Variants in TRIOBP observed in about 807,000 individuals in gnomAD.
The protein encoded by TRIOBP is TRIO and F-actin-binding protein.
Under a neutral mutation model 238.8 loss-of-function variants are expected in TRIOBP, and 169 were observed. That is an observed-to-expected ratio of 0.71 (90% CI 0.62 to 0.80). The LOEUF is 0.80. TRIOBP is among the 30% of genes least tolerant of loss of function. TRIOBP has a pLI of 0.00. For synonymous variants in TRIOBP, 1,150 were observed against 1,274.4 expected (o/e 0.90, Z 2.08); for missense variants, 2,838 against 3,122.6 (o/e 0.91, Z 2.17).
chr22:37,726,434 G>T lies in TRIOBP; in HGVS notation c.3878G>T (p.Cys1293Phe), dbSNP rs1924165087. The change falls in exon 7 of 24, where the codon TGC (cysteine) becomes TTC (phenylalanine). Residue 1293 changes from cysteine (C) to phenylalanine (F), a missense_variant. Around this residue, in one of 5 missense-constraint regions of TRIOBP, gnomAD observed 2,096 missense variants for 2,137.4 expected, o/e 0.98. Coordinates refer to ENST00000644935, the MANE Select transcript of TRIOBP (RefSeq NM_001039141.3). The part of the protein sequence containing the change: ...AQRQPGPQAQ[C>F]SSGGRTHSPG... ...AGACAGCCAGGGCCCCAGGCGCAGTGCAGCAGCGGGGGCCGCACCCACAGC... is the reference window on the plus strand; with the variant it reads ...AGACAGCCAGGGCCCCAGGCGCAGTTCAGCAGCGGGGGCCGCACCCACAGC... 1 of 1,586,230 alleles carries T rather than the reference G, an allele frequency of 6.3e-7. No individual in the cohort carries two copies.
In TRIOBP at chr22:37,724,026, C is replaced by G; in HGVS notation, c.1470C>G (p.Ser490=). The G allele has an allele frequency of 6.7e-7, 1 of 1,500,298 alleles. No homozygotes were observed. The highest frequency in any genetic ancestry group is 9.0e-7 in the Non-Finnish European group (1 of 1,114,176). 92.9% of individuals were successfully genotyped at this position (1,500,298 alleles called of 1,614,324 possible). The stretch of plus-strand genomic sequence containing the variant: ...CCCAGCGGGACAATCCCAGAGCCTC[C>G]TCTCCCAGTAGAGCTACACGAGACA... ...SCAQRDNPRA[S]SPSRATRDNP... The change falls in exon 7 of 24, where the codon TCC becomes TCG. Residue 490 remains serine, a synonymous_variant. Transcript: ENST00000644935.
Position 37,701,479 on chromosome 22 carries a change from G to C in TRIOBP, c.114G>C (p.Gln38His), listed in dbSNP as rs753013978. ...HPEEAHGARY[Q>H]ELRSPSGAEV... ...AGGAGGCCCATGGAGCAAGATACCA[G>C]GTGGGCCAGTTTTCCACGTGGTTGG... is the stretch of plus-strand genomic sequence containing the variant. The change falls in exon 3 of 24, where the codon CAG (glutamine) becomes CAC (histidine). Residue 38 changes from glutamine to histidine, a missense_variant and splice_region_variant. Gln to His is a conservative substitution (Grantham distance 24). Transcript: ENST00000644935. 2.1e-5 allele frequency: 33 copies of C among 1,608,032 alleles called. No homozygotes were observed. The highest frequency in any genetic ancestry group is 1.6e-4 in the Middle Eastern group (1 of 6,076).
At chr22:37,701,504 G>C in intron 3 of TRIOBP, 25 bp downstream of exon 3, 2 of 1,572,734 alleles carry the variant, frequency 1.3e-6, no homozygotes, top group South Asian at 2.3e-5. Flanking sequence ...CACGTGGTTG[G>C]GGTGGTTTGT....
At chr22:37,710,913 C>T (rs73409464) in intron 4 of TRIOBP, among the ~76,000 whole-genome samples, 8,068 of 152,302 alleles carry the variant, frequency 0.053, 242 homozygotes, top group South Asian at 0.094. Flanking sequence ...GTGGGCATGG[C>T]CACAGCCTAC....
intron 3 of TRIOBP, among the ~76,000 whole-genome samples, chr22:37,702,102 AAAAAC>A (rs1354521193): frequency 8.5e-5 from 13 of 152,352 alleles, no homozygotes; most frequent in South Asian, 4.1e-4. Flanking sequence ...AACTGTCTCA[AAAAAC>A]AAAACAAAAC....
At position 37,726,084 on chromosome 22, in the gene TRIOBP, C is replaced by G. The variant is rs747718808; in HGVS notation, c.3528C>G (p.Ser1176=). 1.9e-6 allele frequency: 3 copies of G among 1,556,964 alleles called. No individual in the cohort carries two copies. The highest frequency in any genetic ancestry group is 2.6e-6 in the Non-Finnish European group (3 of 1,146,176). Residue 1176 remains serine, a synonymous_variant, in exon 7 of 24, where the codon TCC becomes TCG. Transcript: ENST00000644935. ...ACCGGGATGCACCCTCCTTCTCATC[C>G]CCACCACGCCAGGCTCCTGAGCCAT... ...IGHRDAPSFS[S]PPRQAPEPSL...
chr22:37,734,298 G>GT lies in TRIOBP; in HGVS notation c.4063-100dup. 2.6e-6 allele frequency: 3 copies of GT among 1,142,022 alleles called. No homozygotes were observed. The South Asian group carries it at 3.9e-5, about 15-fold the overall frequency. The allele number at this position is 1,142,022 out of a possible 1,614,324, so 70.7% of individuals were successfully genotyped here. On this transcript the variant is annotated intron_variant, in intron 8 of 23. Transcript: ENST00000644935. Reference sequence around the variant, plus strand: ...TTGGCCTGCTTTGATTCAGGCTGCTGTGTGGACACAGCCTTGACTCTCTGG... The same window carrying GT: ...TTGGCCTGCTTTGATTCAGGCTGCTGTTGTGGACACAGCCTTGACTCTCTGG...
At chr22:37,751,641 C>T in intron 11 of TRIOBP, 131 bp from the exon 12 acceptor site, 4 of 991,644 alleles carry the variant, frequency 4.0e-6, no homozygotes, top group Non-Finnish European at 3.1e-6. Flanking sequence ...GGGCCTTAGC[C>T]CTCTTGGCTG....
At chr22:37,746,507 G>T in intron 11 of TRIOBP, 1 of 1,165,812 alleles carries the variant, frequency 8.6e-7, no homozygotes, top group Non-Finnish European at 1.1e-6. Context: ...CTCCGGGGCA[G>T]CCCCCTCCTC....
In TRIOBP at chr22:37,726,511, CG is replaced by C; in HGVS notation, c.3947+13del. The C allele has an allele frequency of 1.4e-6, 2 of 1,479,338 alleles. No homozygotes were observed. Among genetic ancestry groups the C allele is most frequent in the Non-Finnish European group, 1.8e-6 (2 of 1,120,742 alleles). 91.6% of individuals were successfully genotyped at this position (1,479,338 alleles called of 1,614,324 possible). On this transcript the variant is annotated intron_variant, in intron 7 of 23. Coordinates refer to ENST00000644935, the MANE Select transcript of TRIOBP (RefSeq NM_001039141.3). Reference sequence around the variant, plus strand: ...CTTCGGGCAAGAGCGCAGGTGAGCCCGGGGGTGGGGTCAGCCAGGTGGGCTG... The same window carrying C: ...CTTCGGGCAAGAGCGCAGGTGAGCCCGGGGTGGGGTCAGCCAGGTGGGCTG...
At chr22:37,756,185 G>A (rs1188747636) in intron 15 of TRIOBP, among the ~76,000 whole-genome samples, 5 of 152,214 alleles carry the variant, frequency 3.3e-5, no homozygotes, top group African/African-American at 1.2e-4. Flanking sequence ...GCTGGGCTGG[G>A]TGTAGTGGCT....
At position 37,773,769 on chromosome 22, in the gene TRIOBP, A is replaced by C. The variant is rs1352497741; in HGVS notation, c.*3-14A>C. 6.6e-6 allele frequency: 1 copy of C among 152,638 alleles called. No homozygotes were observed. Among genetic ancestry groups the C allele is most frequent in the Non-Finnish European group, 1.5e-5 (1 of 68,186 alleles). The allele number at this position is 152,638 out of a possible 1,614,324, so 9.5% of individuals were successfully genotyped here. A position where few individuals can be genotyped will look rare whatever the true frequency, so the allele number is the denominator to read the frequency against. ...TCAGCCCAGGCCTCAGCCCTGCCGCACCTTGTCTTTCAGGTCCCGCCCAGC... is the reference window on the plus strand; with the variant it reads ...TCAGCCCAGGCCTCAGCCCTGCCGCCCCTTGTCTTTCAGGTCCCGCCCAGC... On this transcript the variant is annotated splice_polypyrimidine_tract_variant and intron_variant, in intron 23 of 23. Coordinates refer to ENST00000644935, the MANE Select transcript of TRIOBP (RefSeq NM_001039141.3).
chr22:37,755,679 G>T lies in TRIOBP; in HGVS notation c.5687+20G>T. Reference sequence around the variant, plus strand: ...CACCAAGTACGTACTAAGCTGGACTGGGGCCTTGAGGGAGGCACTTACCCT... The same window carrying T: ...CACCAAGTACGTACTAAGCTGGACTTGGGCCTTGAGGGAGGCACTTACCCT... On this transcript the variant is annotated intron_variant, in intron 15 of 23. Coordinates refer to ENST00000644935, the MANE Select transcript of TRIOBP (RefSeq NM_001039141.3). 6.2e-7 allele frequency: 1 copy of T among 1,609,886 alleles called. No homozygotes were observed. Among genetic ancestry groups the T allele is most frequent in the South Asian group, 1.1e-5 (1 of 90,934 alleles).
intron 8 of TRIOBP, among the ~76,000 whole-genome samples, chr22:37,733,635 G>A (rs1026056606): frequency 6.7e-5 from 10 of 148,800 alleles, no homozygotes; most frequent in South Asian, 2.1e-4. Flanking sequence ...CCTCTCCCAC[G>A]CTATCCCCTT....
chr22:37,756,729 C>T (rs575437944), intron 15 of TRIOBP, among the ~76,000 whole-genome samples: 1 of 152,220 alleles, frequency 6.6e-6, no homozygotes, highest in Non-Finnish European at 1.5e-5. Flanking sequence ...CACATGGCTA[C>T]AAGTAGCTGT....
At chr22:37,733,909 C>T (rs185071711) in intron 8 of TRIOBP, among the ~76,000 whole-genome samples, 37 of 152,292 alleles carry the variant, frequency 2.4e-4, no homozygotes, top group African/African-American at 8.4e-4. Flanking sequence ...TCAAGTGATC[C>T]GCCCACCTTG....
intron 16 of TRIOBP, 59 bp from the exon 17 acceptor site, chr22:37,759,095 G>A: frequency 7.0e-7 from 1 of 1,437,634 alleles, no homozygotes; most frequent in Non-Finnish European, 9.6e-7. Context: ...GCTCCTCACT[G>A]CCTTCCACCA....
chr22:37,711,622 A>C (rs1923251366), intron 4 of TRIOBP, among the ~76,000 whole-genome samples: 2 of 150,224 alleles, frequency 1.3e-5, no homozygotes, highest in African/African-American at 2.5e-5. Context: ...AAAAAAACCC[A>C]CAAAAAAACG....
At chr22:37,723,008 C>T (rs1381560795) in intron 6 of TRIOBP, among the ~76,000 whole-genome samples, 177 bp from the exon 7 acceptor site, 1 of 152,196 alleles carries the variant, frequency 6.6e-6, no homozygotes, top group African/African-American at 2.4e-5. Context: ...GGCATCCAAG[C>T]CCTTGTCTAA....
Sources: gnomAD v4.1 joint callset for allele counts (sites outside exome capture counted in the v4.1 genomes callset) on GRCh38, gnomAD v4.1.1 for gene constraint, gnomAD v4.1.1 regional missense constraint, MANE v1.5 for transcripts, NCBI Gene and HGNC (gene_info 2026-07-23, HGNC 2026-07-21) for gene names.